SMIM23: variants seen among roughly 807,000 people sequenced by gnomAD.
SMIM23 encodes CTB-78H18.1.
In SMIM23, 10 loss-of-function variants were observed where a neutral mutation model predicts 12.8. The observed-to-expected ratio is 0.78, with a 90% CI of 0.48 to 1.32. SMIM23 has a LOEUF of 1.32. Ranked by LOEUF, SMIM23 falls within the 40% of genes most tolerant of loss-of-function variation. SMIM23 has a pLI of 0.00. For synonymous variants in SMIM23, 78 were observed against 80.1 expected, an observed-to-expected ratio of 0.97 and a Z score of 0.14; for missense variants, 184 against 198.2, an observed-to-expected ratio of 0.93 and a Z score of 0.43.
chr5:171,774,663 G>A, the SMIM23 span: 10 of 416,570 alleles, frequency 2.4e-5, no homozygotes, highest in Admixed American at 2.4e-4. Flanking sequence ...CTCAAGGCTC[G>A]CCCACAAATC....
the SMIM23 span, chr5:171,773,554 G>A: frequency 1.4e-4 from 46 of 336,120 alleles, no homozygotes; most frequent in African/African-American, 9.2e-4. Context: ...ATGGGAGCTG[G>A]TGCCCTCACG....
At chr5:171,777,635 C>T (rs1755663631), upstream of SMIM23, among the ~76,000 whole-genome samples, 1 of 152,234 alleles carries the variant, frequency 6.6e-6, no homozygotes, top group South Asian at 2.1e-4. Context: ...AGGTGCTGCG[C>T]TAAGTTCTGG....
chr5:171,782,092 C>G (rs1007162448), upstream of SMIM23, among the ~76,000 whole-genome samples: 1 of 152,178 alleles, frequency 6.6e-6, no homozygotes, highest in African/African-American at 2.4e-5. Flanking sequence ...TCGCTCTTCA[C>G]AGTAAATCTT....
the SMIM23 span, among the ~76,000 whole-genome samples, chr5:171,773,301 C>G: frequency 0.8 from 121,830 of 152,142 alleles, 49,553 homozygotes; most frequent in African/African-American, 0.95. Flanking sequence ...ACCATGACTG[C>G]TGCACAGCAA....
chr5:171,774,580 A>G, the SMIM23 span: 1 of 455,826 alleles, frequency 2.2e-6, no homozygotes, highest in Non-Finnish European at 4.4e-6. Flanking sequence ...GGCCCATGGC[A>G]CACTGTCCCT....
At chr5:171,785,080 C>G (rs1435482135), upstream of SMIM23, among the ~76,000 whole-genome samples, 1 of 152,092 alleles carries the variant, frequency 6.6e-6, no homozygotes, top group East Asian at 1.9e-4. Context: ...GCACAAAGCC[C>G]CTTGTAGTTT....
At chr5:171,773,968 A>G in the SMIM23 span, 2 of 395,078 alleles carry the variant, frequency 5.1e-6, no homozygotes, top group Non-Finnish European at 9.9e-6. Context: ...GGTGAGTAGA[A>G]TTTACATACG....
chr5:171,777,689 G>T (rs529779776), upstream of SMIM23, among the ~76,000 whole-genome samples: 229 of 152,342 alleles, frequency 1.5e-3, no homozygotes, highest in Non-Finnish European at 1.9e-3. Context: ...CCCTCCTGGG[G>T]CCGAGAGCTC....
chr5:171,788,921 C>T (rs1755868212), intron 1 of SMIM23, among the ~76,000 whole-genome samples: 1 of 152,230 alleles, frequency 6.6e-6, no homozygotes, highest in African/African-American at 2.4e-5. Context: ...CTCACTGCAA[C>T]CTCCGCCTCC....
intron 3 of SMIM23, 74 bp from the exon 4 acceptor site, chr5:171,790,721 T>A: frequency 6.6e-7 from 1 of 1,506,572 alleles, no homozygotes; most frequent in Non-Finnish European, 8.9e-7. Context: ...GGGATCTTTT[T>A]GAAACCAGTG....
chr5:171,789,323 A>G (rs1184702800), intron 1 of SMIM23, among the ~76,000 whole-genome samples: 1 of 152,266 alleles, frequency 6.6e-6, no homozygotes, highest in African/African-American at 2.4e-5. Context: ...AAAAATGGGG[A>G]CACATATAGT....
At chr5:171,778,169 G>T (rs1358008698), upstream of SMIM23, among the ~76,000 whole-genome samples, 2 of 152,130 alleles carry the variant, frequency 1.3e-5, no homozygotes, top group East Asian at 3.9e-4. Context: ...AGACCAGCCT[G>T]GCCAACACGG....
At chr5:171,781,665 G>A (rs1755730222), upstream of SMIM23, among the ~76,000 whole-genome samples, 1 of 152,104 alleles carries the variant, frequency 6.6e-6, no homozygotes, top group South Asian at 2.1e-4. Context: ...AGCTGCTTTA[G>A]TAATAATAAT....
chr5:171,790,646 C>G, intron 3 of SMIM23, 97 bp downstream of exon 3: 4 of 1,389,636 alleles, frequency 2.9e-6, no homozygotes, highest in Non-Finnish European at 3.0e-6. Context: ...TAAGTAGTCG[C>G]TTGTCAAGTG....
Position 171,791,015 on chromosome 5 carries a change from C to T in SMIM23, c.446C>T (p.Ala149Val), listed in dbSNP as rs1352242778. 6.5e-6 allele frequency: 10 copies of T among 1,534,606 alleles called. No homozygotes were observed. Among genetic ancestry groups the T allele is most frequent in the Admixed American group, 3.9e-5 (2 of 50,954 alleles). The change falls in exon 4 of 4, where the codon GCC becomes GTC. Residue 149 changes from alanine to valine, a missense_variant. Coordinates refer to ENST00000523047, the MANE Select transcript of SMIM23 (RefSeq NM_001289970.2). Reference sequence around the variant, plus strand: ...TATAAAAGTCACTTGTGGGAGTGGGCCTGGGCCCTGGGGAGAGAGCACAAA... The same window carrying T: ...TATAAAAGTCACTTGTGGGAGTGGGTCTGGGCCCTGGGGAGAGAGCACAAA... ...STYKSHLWEWAWALGREHKGG... is the reference protein window; with the variant it reads ...STYKSHLWEWVWALGREHKGG...
At chr5:171,777,212 A>G in the SMIM23 span, among the ~76,000 whole-genome samples, 5 of 152,204 alleles carry the variant, frequency 3.3e-5, no homozygotes, top group Non-Finnish European at 7.3e-5. Flanking sequence ...AATTAGCCCA[A>G]TGACCAACAG....
chr5:171,787,765 C>T (rs1755844456), intron 1 of SMIM23, among the ~76,000 whole-genome samples: 1 of 152,218 alleles, frequency 6.6e-6, no homozygotes, highest in African/African-American at 2.4e-5. Flanking sequence ...GGGCTCCGCC[C>T]ACCTGGCATC....
At position 171,789,928 on chromosome 5, in the gene SMIM23, G is replaced by A. The variant is rs143092274; in HGVS notation, c.106-302G>A. Among the ~76,000 whole-genome samples, 340 of 152,236 alleles carry A rather than the reference G, an allele frequency of 2.2e-3. 1 individual carries two copies. The highest frequency in any genetic ancestry group is 7.2e-3 in the African/African-American group (300 of 41,546). The stretch of plus-strand genomic sequence containing the variant: ...CAGACTATACATTTTAAATGTGTGC[G>A]TTTTATTATATGTAAATTATACCAC... On this transcript the variant is annotated intron_variant, in intron 1 of 3. Coordinates refer to ENST00000523047, the MANE Select transcript of SMIM23 (RefSeq NM_001289970.2).
intron 1 of SMIM23, 55 bp from the exon 2 acceptor site, chr5:171,790,175 C>T (rs1012232127): frequency 6.6e-7 from 1 of 1,504,202 alleles, no homozygotes; most frequent in Non-Finnish European, 8.9e-7. Flanking sequence ...AGCAGGGGGA[C>T]CTGGAGAGAA....
Sources: gnomAD v4.1 joint callset for allele counts (sites outside exome capture counted in the v4.1 genomes callset) on GRCh38, gnomAD v4.1.1 for gene constraint, MANE v1.5 for transcripts, NCBI Gene and HGNC (gene_info 2026-07-23, HGNC 2026-07-21) for gene names.